The following RHOBTB2 variants were observed in gnomAD, a reference collection of about 807,000 sequenced individuals.
RHOBTB2 encodes Rho related BTB domain containing 2.
A neutral mutation model predicts 66.5 loss-of-function variants in RHOBTB2; 39 were observed. The ratio of observed to expected loss-of-function variants is 0.59; its 90% CI spans 0.45 to 0.77. The LOEUF (loss-of-function observed/expected upper bound fraction) is 0.77. Ranked by LOEUF, RHOBTB2 falls within the 30% of genes least tolerant of loss-of-function variation. RHOBTB2 has a pLI of 0.00. For synonymous variants in RHOBTB2, 390 were observed against 395.0 expected (o/e 0.99, Z 0.15); for missense variants, 755 against 999.1 (o/e 0.76, Z 3.29).
chr8:22,982,085 G>T, the RHOBTB2 span, among the ~76,000 whole-genome samples: 1 of 152,218 alleles, frequency 6.6e-6, no homozygotes, highest in Non-Finnish European at 1.5e-5. Context: ...GCAGCCACCT[G>T]CTTGCTCCAG....
At chr8:22,994,619 G>C, upstream of RHOBTB2, 2 of 1,551,586 alleles carry the variant, frequency 1.3e-6, no homozygotes, top group Non-Finnish European at 1.7e-6. Context: ...ATGGCCCCCA[G>C]AAGACCTCTT....
At chr8:23,016,233 T>A (rs1486752031) in intron 9 of RHOBTB2, among the ~76,000 whole-genome samples, 1 of 151,598 alleles carries the variant, frequency 6.6e-6, no homozygotes. Flanking sequence ...CTGCACAGGC[T>A]CCAGGGAGAG....
the RHOBTB2 span, among the ~76,000 whole-genome samples, chr8:22,961,639 G>A: frequency 1.3e-5 from 2 of 152,182 alleles, no homozygotes; most frequent in Admixed American, 1.3e-4. Flanking sequence ...GAGCTAAAAG[G>A]TGGGTGGGGA....
At chr8:22,978,411 C>T in the RHOBTB2 span, among the ~76,000 whole-genome samples, 6 of 148,670 alleles carry the variant, frequency 4.0e-5, no homozygotes, top group East Asian at 2.0e-4. Context: ...GGCGTGAGCC[C>T]GGGAGGTGGA....
intron 9 of RHOBTB2, among the ~76,000 whole-genome samples, chr8:23,016,423 TA>T (rs1324842604): frequency 6.6e-6 from 1 of 151,978 alleles, no homozygotes; most frequent in African/African-American, 2.4e-5. Context: ...TTTATTTATT[TA>T]TTTTTTTGAG....
intron 7 of RHOBTB2, among the ~76,000 whole-genome samples, chr8:23,014,307 A>G (rs951296412): frequency 6.6e-6 from 1 of 152,238 alleles, no homozygotes; most frequent in African/African-American, 2.4e-5. Context: ...TCCTAGTTCT[A>G]ACTCACAGTT....
the RHOBTB2 span, among the ~76,000 whole-genome samples, chr8:22,956,863 T>C: frequency 6.6e-6 from 1 of 152,190 alleles, no homozygotes; most frequent in Non-Finnish European, 1.5e-5. Context: ...TATCTCCGTG[T>C]TGGTCAGGCT....
chr8:22,972,704 G>T, the RHOBTB2 span, among the ~76,000 whole-genome samples: 1 of 152,198 alleles, frequency 6.6e-6, no homozygotes, highest in African/African-American at 2.4e-5. Context: ...TACTCCCAGC[G>T]TTTCAGACTC....
At chr8:22,968,270 T>C in the RHOBTB2 span, among the ~76,000 whole-genome samples, 6 of 151,270 alleles carry the variant, frequency 4.0e-5, no homozygotes, top group South Asian at 4.2e-4. Context: ...AAAATGGGAG[T>C]TTTTTCTTAA....
At chr8:22,973,354 A>T in the RHOBTB2 span, among the ~76,000 whole-genome samples, 4 of 151,954 alleles carry the variant, frequency 2.6e-5, no homozygotes, top group Non-Finnish European at 1.5e-5. Flanking sequence ...TCGGCCTCCC[A>T]AGTAGCTGGG....
rs778224382 is a variant in RHOBTB2 at position 23,007,232 on chromosome 8, TCAC to T, written c.999_1001del (p.His334del). 6.2e-6 allele frequency: 10 copies of T among 1,609,526 alleles called. No homozygotes were observed. Among genetic ancestry groups the T allele is most frequent in the East Asian group, 2.2e-5 (1 of 44,858 alleles). On this transcript the variant is annotated inframe_deletion, in exon 5 of 10. Coordinates refer to ENST00000251822, the MANE Select transcript of RHOBTB2 (RefSeq NM_015178.3). ...GCCACTCTGATCAACACCACCACCATCACCACCACCACCATGGGCGAGACTTCC... is the reference window on the plus strand; with the variant it reads ...GCCACTCTGATCAACACCACCACCATCACCACCACCATGGGCGAGACTTCC...
At chr8:22,974,516 C>G in the RHOBTB2 span, among the ~76,000 whole-genome samples, 1 of 152,194 alleles carries the variant, frequency 6.6e-6, no homozygotes, top group African/African-American at 2.4e-5. Flanking sequence ...GCCTCTGCCC[C>G]ATTTCACAAT....
At chr8:23,011,098 A>G (rs958582279) in intron 7 of RHOBTB2, among the ~76,000 whole-genome samples, 2 of 152,190 alleles carry the variant, frequency 1.3e-5, no homozygotes, top group South Asian at 2.1e-4. Context: ...TACTAAAAAT[A>G]TAAAAATTAG....
At chr8:23,000,682 G>C (rs1295425535) in intron 1 of RHOBTB2, among the ~76,000 whole-genome samples, 1 of 152,164 alleles carries the variant, frequency 6.6e-6, no homozygotes, top group Non-Finnish European at 1.5e-5. Flanking sequence ...TGTTGGATCT[G>C]CACGGGGCTT....
chr8:23,015,938 C>G (rs1811278924), intron 9 of RHOBTB2, among the ~76,000 whole-genome samples, 195 bp downstream of exon 9: 2 of 152,254 alleles, frequency 1.3e-5, no homozygotes, highest in South Asian at 4.1e-4. Context: ...CACCCTGCCT[C>G]TCTGGGCTTC....
chr8:22,963,305 CTCA>C, the RHOBTB2 span, among the ~76,000 whole-genome samples: 1 of 152,170 alleles, frequency 6.6e-6, no homozygotes, highest in Non-Finnish European at 1.5e-5. Flanking sequence ...TAAGTTTTCT[CTCA>C]TCAGCAGAAG....
At position 23,005,443 on chromosome 8, in the gene RHOBTB2, C is replaced by T. The variant is rs1369858275; in HGVS notation, c.264C>T (p.Asp88=). 1.2e-6 allele frequency: 2 copies of T among 1,613,642 alleles called. No homozygotes were observed. The highest frequency in any genetic ancestry group is 1.7e-5 in the Admixed American group (1 of 59,996). Reference sequence around the variant, plus strand: ...TGCGCCTCTGGGACACCTTTGGAGACCACCACAAAGACCGTCGCTTTGCTT... The same window carrying T: ...TGCGCCTCTGGGACACCTTTGGAGATCACCACAAAGACCGTCGCTTTGCTT... The part of the protein sequence containing the change: ...VSLRLWDTFG[D]HHKDRRFAYG... The change falls in exon 3 of 10, where the codon GAC becomes GAT. Residue 88 remains aspartate (D), a synonymous_variant. Coordinates refer to ENST00000251822, the MANE Select transcript of RHOBTB2 (RefSeq NM_015178.3).
At chr8:22,970,014 A>T in the RHOBTB2 span, among the ~76,000 whole-genome samples, 1 of 152,140 alleles carries the variant, frequency 6.6e-6, no homozygotes, top group Non-Finnish European at 1.5e-5. Flanking sequence ...AGCCTACTGT[A>T]CCTGGCCAAA....
intron 3 of RHOBTB2, 37 bp downstream of exon 3, chr8:23,005,512 AG>A: frequency 1.5e-6 from 2 of 1,367,750 alleles, no homozygotes; most frequent in Non-Finnish European, 2.1e-6. Context: ...GAGAACCAAC[AG>A]GGTGGGTTTT....
Sources: gnomAD v4.1 joint callset for allele counts (sites outside exome capture counted in the v4.1 genomes callset) on GRCh38, gnomAD v4.1.1 for gene constraint, MANE v1.5 for transcripts, NCBI Gene and HGNC (gene_info 2026-07-23, HGNC 2026-07-21) for gene names.